The following PPP1R2 variants were observed in gnomAD, a reference collection of about 807,000 sequenced individuals.
The protein encoded by PPP1R2 is protein phosphatase 1 regulatory inhibitor subunit 2.
A neutral mutation model predicts 29.9 loss-of-function variants in PPP1R2; 16 were observed. That is an observed-to-expected ratio of 0.53 (90% CI 0.36 to 0.81). The LOEUF (loss-of-function observed/expected upper bound fraction) is 0.81. PPP1R2 is among the 30% of genes least tolerant of loss of function. PPP1R2 has a pLI of 0.00. For missense variants in PPP1R2, 197 were observed against 252.7 expected (o/e 0.78, Z 1.49); for synonymous variants, 76 against 91.5 (o/e 0.83, Z 0.96).
intron 2 of PPP1R2, chr3:195,527,886 A>G (rs1031389437): frequency 2.2e-5 from 8 of 362,212 alleles, no homozygotes; most frequent in Non-Finnish European, 3.7e-5. Flanking sequence ...TTTTTTTAAG[A>G]TTTTTAAAGT....
chr3:195,517,916 G>A (rs1443114340), intron 5 of PPP1R2, among the ~76,000 whole-genome samples: 1 of 152,130 alleles, frequency 6.6e-6, no homozygotes, highest in Non-Finnish European at 1.5e-5. Context: ...GACACTATGA[G>A]ACAGCAACTC....
intron 1 of PPP1R2, among the ~76,000 whole-genome samples, chr3:195,536,626 T>C (rs1234191830): frequency 6.6e-6 from 1 of 151,584 alleles, no homozygotes; most frequent in Non-Finnish European, 1.5e-5. Flanking sequence ...CTGTCTCTAC[T>C]AAAATACAAA....
At position 195,519,187 on chromosome 3, in the gene PPP1R2, T is replaced by C; in HGVS notation, c.404-2A>G. 1 of 1,593,248 alleles carries C rather than the reference T, an allele frequency of 6.3e-7. No homozygotes were observed. The highest frequency in any genetic ancestry group is 8.5e-7 in the Non-Finnish European group (1 of 1,171,766). On this transcript the variant is annotated splice_acceptor_variant, in intron 4 of 5. Transcript: ENST00000618156. LOFTEE classifies it high-confidence loss of function. The stretch of plus-strand genomic sequence containing the variant: ...TCATTTCAAATTGTCGCTTTTTTTC[T>C]ATAAGATGCAAAATGTAAACTTAGG...
At chr3:195,542,743 G>A (rs1719642262) in intron 1 of PPP1R2, among the ~76,000 whole-genome samples, 161 bp downstream of exon 1, 2 of 151,486 alleles carry the variant, frequency 1.3e-5, no homozygotes, top group South Asian at 4.2e-4. Context: ...TCATCGCCCA[G>A]CCTTCTTAAA....
rs1718492538 is a variant in PPP1R2 at position 195,515,005 on chromosome 3, T to G, written c.*1891A>C. On this transcript the variant is annotated 3_prime_UTR_variant, in exon 6 of 6. Coordinates refer to ENST00000618156, the MANE Select transcript of PPP1R2 (RefSeq NM_006241.8). ...CTTTTCTTCACTCTATGACAGCTACTTCTACAAAAAAAAAAAAAGAGTATG... is the reference window on the plus strand; with the variant it reads ...CTTTTCTTCACTCTATGACAGCTACGTCTACAAAAAAAAAAAAAGAGTATG... The G allele has an allele frequency of 1.8e-5, 3 of 168,580 alleles. No individual in the cohort carries two copies. Among genetic ancestry groups the G allele is most frequent in the Non-Finnish European group, 3.4e-5 (3 of 88,340 alleles). 10.4% of individuals were successfully genotyped at this position (168,580 alleles called of 1,614,324 possible).
intron 2 of PPP1R2, among the ~76,000 whole-genome samples, chr3:195,525,463 G>A (rs1181034939): frequency 1.3e-5 from 2 of 151,562 alleles, no homozygotes; most frequent in East Asian, 3.9e-4. Context: ...TACTGAAAAC[G>A]TAAATGATCT....
rs1377496615 is a variant in PPP1R2, at chr3:195,524,904, G to A, written c.231-8C>T. 5.0e-6 allele frequency: 8 copies of A among 1,612,484 alleles called. No homozygotes were observed. Among genetic ancestry groups the A allele is most frequent in the South Asian group, 4.4e-5 (4 of 90,946 alleles). On this transcript the variant is annotated splice_polypyrimidine_tract_variant and splice_region_variant and intron_variant, in intron 2 of 5. Coordinates refer to ENST00000618156, the MANE Select transcript of PPP1R2 (RefSeq NM_006241.8). Reference sequence around the variant, plus strand: ...TCATCATCCCCCATCATACTAGTATGACAAGCACATTGTAATTAATACCTG... The same window carrying A: ...TCATCATCCCCCATCATACTAGTATAACAAGCACATTGTAATTAATACCTG...
Position 195,525,419 on chromosome 3 carries a change from T to A in PPP1R2, c.231-523A>T, listed in dbSNP as rs145427509. Among the ~76,000 whole-genome samples the A allele has an allele frequency of 9.1e-3, 1,388 of 151,988 alleles. 22 individuals are homozygous for A. The highest frequency in any genetic ancestry group is 0.032 in the African/African-American group (1,316 of 41,450). On this transcript the variant is annotated intron_variant, in intron 2 of 5. Coordinates refer to ENST00000618156, the MANE Select transcript of PPP1R2 (RefSeq NM_006241.8). ...TGAGGATTTCGGTATCTGAGGGAGG[T>A]CCTGAAACCTCCATGGATAATGAGG...
At chr3:195,524,263 T>C (rs1480102791) in intron 3 of PPP1R2, among the ~76,000 whole-genome samples, 1 of 152,234 alleles carries the variant, frequency 6.6e-6, no homozygotes, top group Non-Finnish European at 1.5e-5. Context: ...GGTTCACCCC[T>C]GTAATCCCAG....
At chr3:195,531,949 C>A (rs1577577474) in intron 1 of PPP1R2, among the ~76,000 whole-genome samples, 2 of 152,348 alleles carry the variant, frequency 1.3e-5, no homozygotes, top group East Asian at 3.9e-4. Context: ...GAAGCGAAAT[C>A]ATGAAGTATT....
intron 1 of PPP1R2, 22 bp downstream of exon 1, chr3:195,542,882 G>A: frequency 1.3e-6 from 2 of 1,588,838 alleles, no homozygotes; most frequent in East Asian, 2.3e-5. Context: ...GGGGCTCCCA[G>A]GCCGTCCCTC....
intron 3 of PPP1R2, 67 bp from the exon 4 acceptor site, chr3:195,523,853 A>G: frequency 7.8e-7 from 1 of 1,289,794 alleles, no homozygotes; most frequent in South Asian, 1.2e-5. Context: ...GCCTTATTCA[A>G]CTGTTGATTC....
rs1390240385 is a variant in PPP1R2 at position 195,519,089 on chromosome 3, T to C, written c.500A>G (p.Asp167Gly). Residue 167 changes from aspartate (D) to glycine (G), a missense_variant, in exon 5 of 6, where the codon GAT becomes GGT. Coordinates refer to ENST00000618156, the MANE Select transcript of PPP1R2 (RefSeq NM_006241.8). ...TAACATTTCTTCATCTTCATCATCATCATGTAGGTCTTTTGAAATTAATTG... is the reference window on the plus strand; with the variant it reads ...TAACATTTCTTCATCTTCATCATCACCATGTAGGTCTTTTGAAATTAATTG... Reference protein sequence around the residue: ...ARQLISKDLHDDDEDEEMLET... With the variant: ...ARQLISKDLHGDDEDEEMLET... 6.2e-7 allele frequency: 1 copy of C among 1,609,568 alleles called. No individual in the cohort carries two copies. Among genetic ancestry groups the C allele is most frequent in the African/African-American group, 1.3e-5 (1 of 74,818 alleles).
chr3:195,532,488 G>A (rs746412005), intron 1 of PPP1R2, among the ~76,000 whole-genome samples: 25 of 152,078 alleles, frequency 1.6e-4, no homozygotes, highest in African/African-American at 7.2e-5. Context: ...TAACAATACC[G>A]ATGTCTTCAG....
intron 4 of PPP1R2, 153 bp from the exon 5 acceptor site, chr3:195,519,338 G>A (rs986590336): frequency 1.2e-5 from 7 of 589,806 alleles, no homozygotes; most frequent in African/African-American, 3.9e-5. Context: ...TGAGTAGTTC[G>A]TAATAGAGAC....
In PPP1R2 at chr3:195,529,779, T is replaced by C. The variant is rs377243025; in HGVS notation, c.230+15A>G. The C allele has an allele frequency of 9.9e-5, 150 of 1,514,770 alleles. No individual in the cohort carries two copies. The Middle Eastern group carries it at 1.4e-3, about 14-fold the overall frequency. The allele number at this position is 1,514,770 out of a possible 1,614,324, so 93.8% of individuals were successfully genotyped here. On this transcript the variant is annotated intron_variant, in intron 2 of 5. Transcript: ENST00000618156. ...GAAGTAAGTCACAAGAGGAATGACG[T>C]CTACGTAACATTACCTATGGTAAGG...
At chr3:195,535,719 C>A (rs823510) in intron 1 of PPP1R2, among the ~76,000 whole-genome samples, 122,466 of 152,164 alleles carry the variant, frequency 0.8, 49,541 homozygotes, top group East Asian at 0.99. Context: ...ACAATCTGAC[C>A]AAGAGTTCTA....
intron 4 of PPP1R2, 111 bp downstream of exon 4, chr3:195,523,581 C>T: frequency 1.3e-6 from 1 of 788,972 alleles, no homozygotes; most frequent in Middle Eastern, 3.5e-4. Flanking sequence ...TTTCATTCTC[C>T]TCCCCTGTGT....
intron 4 of PPP1R2, among the ~76,000 whole-genome samples, chr3:195,520,239 A>C (rs1328433961): frequency 3.3e-5 from 5 of 152,160 alleles, no homozygotes; most frequent in Admixed American, 1.3e-4. Context: ...CCAACTCCTG[A>C]CCTCAGGTGA....
Sources: allele counts gnomAD v4.1 joint callset (sites outside exome capture counted in the v4.1 genomes callset), GRCh38; gene constraint gnomAD v4.1.1; transcripts MANE v1.5; gene names NCBI Gene and HGNC (gene_info 2026-07-23, HGNC 2026-07-21).